NRG3: variants seen among roughly 807,000 people sequenced by gnomAD.
NRG3 encodes the protein neuregulin 3.
A neutral mutation model predicts 66.9 loss-of-function variants in NRG3; 31 were observed. That is an observed-to-expected ratio of 0.46 (90% CI 0.35 to 0.63). NRG3 has a LOEUF of 0.63. Ranked by LOEUF, NRG3 falls within the 20% of genes least tolerant of loss-of-function variation. The pLI is 0.00. For missense variants in NRG3, 910 were observed against 878.9 expected, an observed-to-expected ratio of 1.04 and a Z score of -0.45; for synonymous variants, 393 against 359.4, an observed-to-expected ratio of 1.09 and a Z score of -1.06.
chr10:82,425,352 T>C (rs1403710507), intron 2 of NRG3, among the ~76,000 whole-genome samples: 1 of 151,884 alleles, frequency 6.6e-6, no homozygotes. Context: ...CTTGTATTGT[T>C]TTTCTTAAGT....
At chr10:82,542,722 AG>A (rs1174736328) in intron 2 of NRG3, among the ~76,000 whole-genome samples, 7 of 152,256 alleles carry the variant, frequency 4.6e-5, no homozygotes, top group Non-Finnish European at 7.3e-5. Flanking sequence ...AAGGCATAAA[AG>A]CTGAATATAA....
intron 1 of NRG3, among the ~76,000 whole-genome samples, chr10:81,952,944 C>T (rs1324288218): frequency 6.6e-6 from 1 of 151,276 alleles, no homozygotes; most frequent in Non-Finnish European, 1.5e-5. Context: ...TAACTTCTGG[C>T]TGGCCAGGCT....
chr10:82,264,416 G>A (rs868739807), intron 1 of NRG3, among the ~76,000 whole-genome samples: 8 of 147,464 alleles, frequency 5.4e-5, no homozygotes, highest in African/African-American at 4.9e-5. Context: ...CCCCACTCCC[G>A]CCCCGCCCGA....
chr10:82,300,522 G>A (rs1221569183), intron 1 of NRG3, among the ~76,000 whole-genome samples: 2 of 152,018 alleles, frequency 1.3e-5, no homozygotes, highest in South Asian at 2.1e-4. Flanking sequence ...TTGTACTATC[G>A]GGAAAGAACT....
Position 82,861,183 on chromosome 10 carries a change from T to C in NRG3, c.1028-4228T>C, listed in dbSNP as rs28454218. 2.6e-5 allele frequency among the ~76,000 whole-genome samples: 4 copies of C among 151,648 alleles called. No individual in the cohort carries two copies. The South Asian group carries it at 8.3e-4, about 32-fold the overall frequency. On this transcript the variant is annotated intron_variant, in intron 3 of 8. Transcript: ENST00000372141. ...GTGTGTGTATTCATGACAAAGAAAG[T>C]GAGAGAGAGAGAAAGAAAGAGAAAA...
chr10:82,910,555 G>C (rs1845219942), intron 4 of NRG3, among the ~76,000 whole-genome samples: 1 of 152,192 alleles, frequency 6.6e-6, no homozygotes, highest in Non-Finnish European at 1.5e-5. Flanking sequence ...TTCTCTATCT[G>C]GTTTTACAAA....
chr10:82,178,124 C>A (rs2073168584), intron 1 of NRG3, among the ~76,000 whole-genome samples: 2 of 151,868 alleles, frequency 1.3e-5, no homozygotes, highest in South Asian at 4.2e-4. Flanking sequence ...AAAATAAAAC[C>A]AATGTATTAT....
chr10:81,876,164 G>T lies in NRG3; in HGVS notation c.823+1G>T. On this transcript the variant is annotated splice_donor_variant, in intron 1 of 8. Transcript: ENST00000372141. LOFTEE classifies it high-confidence loss of function. Reference sequence around the variant, plus strand: ...GAAACTAGCACCAGCCCCAAATTTCGTAAGTAAACACTGTGTCTCAACTAT... The same window carrying T: ...GAAACTAGCACCAGCCCCAAATTTCTTAAGTAAACACTGTGTCTCAACTAT... 2 of 1,574,192 alleles carry T rather than the reference G, an allele frequency of 1.3e-6. No homozygotes were observed. The highest frequency in any genetic ancestry group is 1.7e-6 in the Non-Finnish European group (2 of 1,160,008).
chr10:82,417,562 C>A (rs1019006783), intron 2 of NRG3, among the ~76,000 whole-genome samples: 5 of 152,104 alleles, frequency 3.3e-5, no homozygotes, highest in African/African-American at 1.2e-4. Context: ...GCCAGAAGTT[C>A]TTTGGTGCTT....
At chr10:82,283,592 A>G (rs1589585465) in intron 1 of NRG3, among the ~76,000 whole-genome samples, 1 of 152,126 alleles carries the variant, frequency 6.6e-6, no homozygotes, top group Admixed American at 6.6e-5. Context: ...ACATGCACAC[A>G]CTTATCAACA....
At chr10:82,142,677 ATC>A (rs1299272451) in intron 1 of NRG3, among the ~76,000 whole-genome samples, 4 of 151,772 alleles carry the variant, frequency 2.6e-5, no homozygotes, top group Non-Finnish European at 4.4e-5. Flanking sequence ...AACGTAATGT[ATC>A]TCTCATGGAA....
intron 4 of NRG3, among the ~76,000 whole-genome samples, chr10:82,903,007 G>C (rs1451186794): frequency 2.0e-5 from 3 of 152,046 alleles, no homozygotes; most frequent in Admixed American, 2.0e-4. Flanking sequence ...CATAAAATCT[G>C]TGTAGATACT....
chr10:82,373,961 C>T (rs1331089108), intron 2 of NRG3, among the ~76,000 whole-genome samples: 2 of 152,098 alleles, frequency 1.3e-5, no homozygotes, highest in African/African-American at 4.8e-5. Context: ...TGAGCAAAAC[C>T]TCTGTATCTA....
At chr10:81,994,130 A>G (rs566165572) in intron 1 of NRG3, among the ~76,000 whole-genome samples, 75 of 152,190 alleles carry the variant, frequency 4.9e-4, no homozygotes, top group Non-Finnish European at 9.9e-4. Context: ...TATCAGTTTC[A>G]TTCCTCTCAG....
chr10:82,701,146 A>C (rs1242947801), intron 2 of NRG3, among the ~76,000 whole-genome samples: 3 of 152,098 alleles, frequency 2.0e-5, no homozygotes, highest in Admixed American at 1.3e-4. Flanking sequence ...CATTATAATA[A>C]ACATTTATTA....
At chr10:81,913,802 C>T (rs1049224899) in intron 1 of NRG3, among the ~76,000 whole-genome samples, 2 of 152,118 alleles carry the variant, frequency 1.3e-5, no homozygotes, top group Non-Finnish European at 2.9e-5. Flanking sequence ...GAATCACAGC[C>T]TTTTCTTTCC....
intron 1 of NRG3, among the ~76,000 whole-genome samples, chr10:82,138,057 T>A (rs1299650878): frequency 6.6e-6 from 1 of 152,164 alleles, no homozygotes; most frequent in Non-Finnish European, 1.5e-5. Context: ...AGTTCAATTT[T>A]CATTGCCCTC....
chr10:82,274,437 G>A (rs993639812), intron 1 of NRG3, among the ~76,000 whole-genome samples: 5 of 108,024 alleles, frequency 4.6e-5, no homozygotes, highest in Non-Finnish European at 8.4e-5. Flanking sequence ...CTTTATTGCT[G>A]CTTTCTTCTT....
intron 2 of NRG3, among the ~76,000 whole-genome samples, chr10:82,591,163 C>G (rs925588914): frequency 2.0e-5 from 3 of 152,102 alleles, no homozygotes; most frequent in Non-Finnish European, 4.4e-5. Flanking sequence ...TGACGGGCTT[C>G]CATTGAGTTC....
Sources: allele counts gnomAD v4.1 joint callset (sites outside exome capture counted in the v4.1 genomes callset), GRCh38; gene constraint gnomAD v4.1.1; transcripts MANE v1.5; gene names NCBI Gene and HGNC (gene_info 2026-07-23, HGNC 2026-07-21).